Variants in ZNF26 observed in about 807,000 individuals in gnomAD.
ZNF26 encodes epididymis luminal protein 179.
Under a neutral mutation model 54.9 loss-of-function variants are expected in ZNF26, and 32 were observed. The observed-to-expected ratio is 0.58, with a 90% CI of 0.44 to 0.78. ZNF26 has a LOEUF of 0.78. Among genes scored for constraint, ZNF26 ranks in the 30% least tolerant of loss-of-function variants. ZNF26 has a pLI of 0.00. For missense variants in ZNF26, 524 were observed against 634.0 expected (o/e 0.83, Z 1.86); for synonymous variants, 221 against 209.2 (o/e 1.06, Z -0.49).
rs1360256299 is a variant in ZNF26, at chr12:133,011,929, A to G, written c.*448A>G. On this transcript the variant is annotated 3_prime_UTR_variant, in exon 4 of 4. Transcript: ENST00000328654. ...TGTAAATAATGTTCAGGAAAAACGC[A>G]GGGAACAGAGTCTTAAAGTTAATGG... 6.5e-6 allele frequency: 1 copy of G among 153,282 alleles called. No individual in the cohort carries two copies. Among genetic ancestry groups the G allele is most frequent in the Non-Finnish European group, 1.5e-5 (1 of 68,760 alleles). 9.5% of individuals were successfully genotyped at this position (153,282 alleles called of 1,614,324 possible).
At chr12:132,992,254 A>G (rs1396059864) in intron 1 of ZNF26, among the ~76,000 whole-genome samples, 1 of 152,142 alleles carries the variant, frequency 6.6e-6, no homozygotes, top group African/African-American at 2.4e-5. Context: ...TTTGTTTGAG[A>G]AAGACTTTTT....
In ZNF26 at chr12:133,007,069, A is replaced by G. The variant is rs1953348216; in HGVS notation, c.61A>G (p.Met21Val). Residue 21 changes from methionine (M) to valine (V), a missense_variant, in exon 2 of 4, where the codon ATG becomes GTG. Coordinates refer to ENST00000328654, the MANE Select transcript of ZNF26 (RefSeq NM_019591.4). ...WGLLSFKDISMEFTWDEWQLL... is the reference protein window; with the variant it reads ...WGLLSFKDISVEFTWDEWQLL... The stretch of plus-strand genomic sequence containing the variant: ...ATTATTGTCATTCAAGGATATATCT[A>G]TGGAGTTCACCTGGGATGAATGGCA... 2 of 1,614,134 alleles carry G rather than the reference A, an allele frequency of 1.2e-6. No homozygotes were observed. The highest frequency in any genetic ancestry group is 1.7e-5 in the Admixed American group (1 of 60,012).
chr12:133,002,989 C>A (rs1953251301), intron 1 of ZNF26, among the ~76,000 whole-genome samples: 1 of 152,054 alleles, frequency 6.6e-6, no homozygotes, highest in Non-Finnish European at 1.5e-5. Flanking sequence ...CTGAGTAACA[C>A]CCACCCTGGA....
chr12:132,996,781 A>AT (rs1953093963), intron 1 of ZNF26, among the ~76,000 whole-genome samples: 1 of 152,052 alleles, frequency 6.6e-6, no homozygotes, highest in Non-Finnish European at 1.5e-5. Flanking sequence ...TCATATAGGC[A>AT]TTTTCTTACT....
intron 1 of ZNF26, among the ~76,000 whole-genome samples, chr12:132,992,952 G>T (rs1023915700): frequency 6.7e-6 from 1 of 149,592 alleles, no homozygotes; most frequent in African/African-American, 2.5e-5. Context: ...CCTCAATCTC[G>T]TGCAGTCTAC....
rs1566266295 is a variant in ZNF26 at position 133,011,163 on chromosome 12, T to C, written c.1284T>C (p.Cys428=). The change falls in exon 4 of 4, where the codon TGT becomes TGC. Residue 428 remains cysteine (C), a synonymous_variant. Transcript: ENST00000328654. ...RTHTGERPYE[C]SLCERAFCGK... is the part of the protein sequence containing the mutation. ...ACACCGGAGAGAGACCCTATGAATG[T>C]AGTTTGTGTGAGAGAGCCTTTTGTG... 6.2e-7 allele frequency: 1 copy of C among 1,613,952 alleles called. No homozygotes were observed. The highest frequency in any genetic ancestry group is 1.7e-5 in the Admixed American group (1 of 59,978).
chr12:132,997,102 G>T (rs1378689699), intron 1 of ZNF26, among the ~76,000 whole-genome samples: 2 of 152,172 alleles, frequency 1.3e-5, no homozygotes, highest in African/African-American at 4.8e-5. Flanking sequence ...CATCAAGGTT[G>T]TTTGACCTAA....
chr12:132,996,251 A>G (rs1711554481), intron 1 of ZNF26, among the ~76,000 whole-genome samples: 2 of 152,172 alleles, frequency 1.3e-5, no homozygotes, highest in Admixed American at 6.5e-5. Flanking sequence ...ACTGGGGCAC[A>G]TCAAAACCTT....
rs1953568696 is a variant in ZNF26, at chr12:133,016,483, C to G, written c.*5002C>G. On this transcript the variant is annotated 3_prime_UTR_variant, in exon 4 of 4. Coordinates refer to ENST00000328654, the MANE Select transcript of ZNF26 (RefSeq NM_019591.4). The stretch of plus-strand genomic sequence containing the variant: ...TAACAGCTCACTTTGGGGCCAAAGT[C>G]TAAAATTTAAAATCAGCCCTACTCT... 6.8e-6 allele frequency: 1 copy of G among 146,064 alleles called. No homozygotes were observed. The highest frequency in any genetic ancestry group is 6.9e-5 in the Admixed American group (1 of 14,412). The allele number at this position is 146,064 out of a possible 1,614,324, so 9.0% of individuals were successfully genotyped here.
At chr12:132,996,752 T>C (rs1278597885) in intron 1 of ZNF26, among the ~76,000 whole-genome samples, 1 of 152,236 alleles carries the variant, frequency 6.6e-6, no homozygotes, top group Non-Finnish European at 1.5e-5. Context: ...CTAAGTACTT[T>C]CTAGATTTGT....
At chr12:132,995,318 A>T (rs1030283644) in intron 1 of ZNF26, 1 of 152,054 alleles carries the variant, frequency 6.6e-6, no homozygotes, top group Admixed American at 6.6e-5. Flanking sequence ...CCACATCCTT[A>T]ACAGACTTGT....
intron 1 of ZNF26, chr12:133,006,006 A>G (rs1953316352): frequency 2.4e-6 from 2 of 834,698 alleles, no homozygotes; most frequent in Non-Finnish European, 2.9e-6. Context: ...CTTCTGGTAC[A>G]GGGACTGCAA....
At chr12:132,996,559 A>T (rs1953088597) in intron 1 of ZNF26, among the ~76,000 whole-genome samples, 1 of 152,164 alleles carries the variant, frequency 6.6e-6, no homozygotes, top group Non-Finnish European at 1.5e-5. Context: ...AAAATGAAAA[A>T]CTTTCTTGGT....
At chr12:132,989,028 A>ATTTTTTTTTTTTTTTTTTT (rs150395603) in intron 1 of ZNF26, among the ~76,000 whole-genome samples, 1 of 78,826 alleles carries the variant, frequency 1.3e-5, no homozygotes. Flanking sequence ...CTTTCGGTGA[A>ATTTTTTTTTTTTTTTTTTT]TTTTTTTTTT....
Position 132,986,874 on chromosome 12 carries a change from G to C in ZNF26, c.33+1G>C. 2 of 1,606,384 alleles carry C rather than the reference G, an allele frequency of 1.2e-6. No individual in the cohort carries two copies. Among genetic ancestry groups the C allele is most frequent in the South Asian group, 1.1e-5 (1 of 89,520 alleles). Reference sequence around the variant, plus strand: ...CAGTTTCCGGACAGCTTCGTGCTGGGTAAGTAGAGACTTTCCGTGTTTAAA... The same window carrying C: ...CAGTTTCCGGACAGCTTCGTGCTGGCTAAGTAGAGACTTTCCGTGTTTAAA... On this transcript the variant is annotated splice_donor_variant, in intron 1 of 3. Transcript: ENST00000328654. LOFTEE classifies it high-confidence loss of function.
chr12:133,017,307 C>T lies in ZNF26; in HGVS notation c.*5826C>T, dbSNP rs1410961307. The T allele has an allele frequency of 6.6e-6, 1 of 152,196 alleles. No homozygotes were observed. The highest frequency in any genetic ancestry group is 1.5e-5 in the Non-Finnish European group (1 of 68,036). 9.4% of individuals were successfully genotyped at this position (152,196 alleles called of 1,614,324 possible). A position where few individuals can be genotyped will look rare whatever the true frequency, so the allele number is the denominator to read the frequency against. On this transcript the variant is annotated 3_prime_UTR_variant, in exon 4 of 4. Coordinates refer to ENST00000328654, the MANE Select transcript of ZNF26 (RefSeq NM_019591.4). ...ATAAGGTTCAGTGGTGGTCCCATGA[C>T]TGATCTATTGGTCACACCTTATGCT...
At position 133,021,862 on chromosome 12, in the gene ZNF26, A is replaced by G. The variant is rs1378048352; in HGVS notation, c.*10381A>G. 2 of 152,046 alleles carry G rather than the reference A, an allele frequency of 1.3e-5. No individual in the cohort carries two copies. Among genetic ancestry groups the G allele is most frequent in the African/African-American group, 4.8e-5 (2 of 41,332 alleles). 9.4% of individuals were successfully genotyped at this position (152,046 alleles called of 1,614,324 possible). On this transcript the variant is annotated 3_prime_UTR_variant, in exon 4 of 4. Coordinates refer to ENST00000328654, the MANE Select transcript of ZNF26 (RefSeq NM_019591.4). ...AAAGAATATTTACAAATTCATTATC[A>G]TTGTGTAAATTCTATATTACTTTTT... is the stretch of plus-strand genomic sequence containing the variant.
intron 1 of ZNF26, chr12:133,006,743 T>C: frequency 3.8e-6 from 1 of 261,350 alleles, no homozygotes; most frequent in East Asian, 9.0e-5. Flanking sequence ...TACAAGTGCC[T>C]GCCACTGCGC....
chr12:133,003,411 C>T (rs1397312527), intron 1 of ZNF26, among the ~76,000 whole-genome samples: 14 of 151,982 alleles, frequency 9.2e-5, no homozygotes, highest in Admixed American at 8.5e-4. Context: ...CCCGCCACCA[C>T]GCCTGGCTAA....
Sources: allele counts gnomAD v4.1 joint callset (sites outside exome capture counted in the v4.1 genomes callset), GRCh38; gene constraint gnomAD v4.1.1; transcripts MANE v1.5; gene names NCBI Gene and HGNC (gene_info 2026-07-23, HGNC 2026-07-21).